GLT1D1: variants seen among roughly 807,000 people sequenced by gnomAD.
GLT1D1 encodes glycosyltransferase 1 domain containing 1.
Under a neutral mutation model 28.7 loss-of-function variants are expected in GLT1D1, and 21 were observed. The observed-to-expected ratio is 0.73, with a 90% CI of 0.52 to 1.05. GLT1D1 has a LOEUF of 1.05. Ranked by LOEUF, GLT1D1 falls within the 50% of genes least tolerant of loss-of-function variation. The pLI, the probability that GLT1D1 is intolerant of heterozygous loss-of-function variation, is 0.00. For missense variants in GLT1D1, 343 were observed against 330.6 expected, an observed-to-expected ratio of 1.04 and a Z score of -0.29; for synonymous variants, 147 against 124.8, an observed-to-expected ratio of 1.18 and a Z score of -1.19.
At chr12:128,915,100 AG>A in intron 4 of GLT1D1, 111 bp downstream of exon 6, 2 of 818,992 alleles carry the variant, frequency 2.4e-6, no homozygotes, top group Admixed American at 2.3e-5. Context: ...AGAGAGAACA[AG>A]GTTCATTTCC....
intron 4 of GLT1D1, among the ~76,000 whole-genome samples, chr12:128,913,402 G>T (rs1216637953): frequency 6.6e-6 from 1 of 152,026 alleles, no homozygotes; most frequent in Non-Finnish European, 1.5e-5. Context: ...TGTGTATTTT[G>T]TAGAGACAGG....
intron 4 of GLT1D1, among the ~76,000 whole-genome samples, chr12:128,920,927 G>A (rs1872605018): frequency 6.6e-6 from 1 of 152,172 alleles, no homozygotes; most frequent in Non-Finnish European, 1.5e-5. Context: ...AGTCAGGTAT[G>A]TGCCCTGTCT....
chr12:128,952,773 C>CTTTTTTTTTTTTTTTTTT (rs71072430), intron 6 of GLT1D1, among the ~76,000 whole-genome samples: 1 of 58,936 alleles, frequency 1.7e-5, no homozygotes, highest in Non-Finnish European at 2.7e-5. Flanking sequence ...CCGTGACTGG[C>CTTTTTTTTTTTTTTTTTT]TTTTTTTTTT....
chr12:128,919,875 A>G (rs1872473546), intron 4 of GLT1D1, among the ~76,000 whole-genome samples: 2 of 152,148 alleles, frequency 1.3e-5, no homozygotes, highest in African/African-American at 4.8e-5. Flanking sequence ...GAAAGCTTAA[A>G]TTGACTGGGT....
chr12:128,972,017 C>A lies in GLT1D1; in HGVS notation c.640-10912C>A, dbSNP rs751796384. Among the ~76,000 whole-genome samples, 4 of 151,492 alleles carry A rather than the reference C, an allele frequency of 2.6e-5. No homozygotes were observed. The East Asian group carries it at 7.8e-4, about 30-fold the overall frequency. On this transcript the variant is annotated intron_variant, in intron 7 of 7. Coordinates refer to ENST00000281703, the MANE Select transcript of GLT1D1 (RefSeq NM_144669.3). ...TCTGTGGTTTTCCCTGACTCTCTGT[C>A]GCACACGTCAAGGCTCCCTCTCCAG...
chr12:128,874,479 GCT>G (rs1956825661), intron 1 of GLT1D1, among the ~76,000 whole-genome samples: 1 of 124,554 alleles, frequency 8.0e-6, no homozygotes, highest in African/African-American at 2.9e-5. Context: ...ACTGTGGCTG[GCT>G]TTTTTTTTTT....
intron 4 of GLT1D1, among the ~76,000 whole-genome samples, chr12:128,941,849 G>C (rs1187425594): frequency 6.7e-6 from 1 of 149,124 alleles, no homozygotes; most frequent in Non-Finnish European, 1.5e-5. Context: ...AAAATGCTGG[G>C]ATTCCAGGCA....
chr12:128,853,507 G>A lies in GLT1D1; in HGVS notation c.-75G>A, dbSNP rs2135742947. ...ACCCAGCCGCCCCGGCTCCCCCGCC[G>A]TCCGCGTCTGCGCCGGCCCCGGGGC... is the stretch of plus-strand genomic sequence containing the variant. On this transcript the variant is annotated 5_prime_UTR_variant, in exon 1 of 8. Transcript: ENST00000281703. 2.0e-6 allele frequency: 2 copies of A among 997,538 alleles called. No homozygotes were observed. Among genetic ancestry groups the A allele is most frequent in the African/African-American group, 1.7e-5 (1 of 57,304 alleles). 61.8% of individuals were successfully genotyped at this position (997,538 alleles called of 1,614,324 possible).
At chr12:128,919,355 G>A (rs1229808412) in intron 4 of GLT1D1, among the ~76,000 whole-genome samples, 1 of 152,164 alleles carries the variant, frequency 6.6e-6, no homozygotes, top group East Asian at 1.9e-4. Flanking sequence ...GAGTGGGTGG[G>A]AAGGGCTTCA....
chr12:128,899,117 T>C, intron 3 of GLT1D1, 119 bp from the exon 4 acceptor site: 1 of 731,862 alleles, frequency 1.4e-6, no homozygotes, highest in Non-Finnish European at 2.4e-6. Context: ...TAAAGATTGA[T>C]TGCATTTTAA....
chr12:128,926,430 CTCTA>C, intron 4 of GLT1D1: 1 of 1,527,964 alleles, frequency 6.5e-7, no homozygotes, highest in East Asian at 2.4e-5. Context: ...TAAGGATCCT[CTCTA>C]TCTGGTGGAC....
chr12:128,909,507 T>G (rs1000584985), intron 4 of GLT1D1, among the ~76,000 whole-genome samples: 5 of 152,200 alleles, frequency 3.3e-5, no homozygotes, highest in African/African-American at 9.7e-5. Flanking sequence ...TTACAAGTAG[T>G]TTTTACAAAG....
At chr12:128,928,023 A>AAAAAAAAAAAAAG (rs1873453256) in intron 4 of GLT1D1, among the ~76,000 whole-genome samples, 1 of 149,368 alleles carries the variant, frequency 6.7e-6, no homozygotes, top group African/African-American at 2.5e-5. Flanking sequence ...AAAAAAAAAA[A>AAAAAAAAAAAAAG]AACAAAAAAG....
chr12:128,945,471 C>G, intron 5 of GLT1D1, 102 bp downstream of exon 9: 1 of 960,616 alleles, frequency 1.0e-6, no homozygotes, highest in South Asian at 1.3e-5. Context: ...CTATTCCAAG[C>G]AGTTTCCAAC....
chr12:128,912,185 T>C (rs1312768358), intron 4 of GLT1D1, among the ~76,000 whole-genome samples: 1 of 152,146 alleles, frequency 6.6e-6, no homozygotes, highest in Non-Finnish European at 1.5e-5. Context: ...TAAGAGACTT[T>C]TTGTGTGTGT....
intron 2 of GLT1D1, among the ~76,000 whole-genome samples, chr12:128,879,492 G>C (rs772388581): frequency 1.0e-4 from 14 of 138,430 alleles, no homozygotes; most frequent in Non-Finnish European, 1.8e-4. Flanking sequence ...GTCTCACTCT[G>C]TGGCCCAGGC....
At chr12:128,878,244 C>G (rs2135802166) in intron 2 of GLT1D1, among the ~76,000 whole-genome samples, 1 of 152,232 alleles carries the variant, frequency 6.6e-6, no homozygotes, top group Admixed American at 6.5e-5. Context: ...CAAATGGAAG[C>G]CCACCGCTGA....
At chr12:128,963,349 T>G (rs967227480) in intron 7 of GLT1D1, among the ~76,000 whole-genome samples, 1 of 152,022 alleles carries the variant, frequency 6.6e-6, no homozygotes, top group African/African-American at 2.4e-5. Context: ...CTTGATGTGA[T>G]AAAACAACAG....
At chr12:128,945,157 C>T (rs1027834438) in intron 4 of GLT1D1, 169 bp from the exon 9 acceptor site, 3 of 754,578 alleles carry the variant, frequency 4.0e-6, no homozygotes, top group Admixed American at 2.0e-5. Context: ...CTTGCCCGAG[C>T]CGGGGGCCCC....
Sources: allele counts gnomAD v4.1 joint callset (sites outside exome capture counted in the v4.1 genomes callset), GRCh38; gene constraint gnomAD v4.1.1; transcripts MANE v1.5; gene names NCBI Gene and HGNC (gene_info 2026-07-23, HGNC 2026-07-21).